ZNF536: variants seen among roughly 807,000 people sequenced by gnomAD.
ZNF536 encodes the protein zinc finger protein 536.
In ZNF536, 13 loss-of-function variants were observed where a neutral mutation model predicts 84.5. The observed-to-expected ratio is 0.15, with a 90% CI of 0.10 to 0.24. ZNF536 has a LOEUF of 0.24. Among genes scored for constraint, ZNF536 ranks in the 10% least tolerant of loss-of-function variants. The pLI is 1.00. For synonymous variants in ZNF536, 811 were observed against 742.5 expected (o/e 1.09, Z -1.50); for missense variants, 1,536 against 1,747.5 (o/e 0.88, Z 2.16).
chr19:30,385,530 C>A (rs2049305928), intron 1 of ZNF536, among the ~76,000 whole-genome samples: 1 of 150,744 alleles, frequency 6.6e-6, no homozygotes, highest in African/African-American at 2.4e-5. Context: ...GCTTCACCCA[C>A]TGGTTCCAGT....
intron 1 of ZNF536, among the ~76,000 whole-genome samples, chr19:30,576,704 G>T (rs2046749690): frequency 1.3e-5 from 2 of 152,198 alleles, no homozygotes; most frequent in African/African-American, 2.4e-5. Flanking sequence ...AGGGGACTGG[G>T]TGCTCACAGT....
At chr19:30,289,435 C>A (rs114891197) in intron 2 of ZNF536, among the ~76,000 whole-genome samples, 1 of 152,190 alleles carries the variant, frequency 6.6e-6, no homozygotes, top group Non-Finnish European at 1.5e-5. Context: ...GATCACTGAC[C>A]ACTCCAAGGA....
chr19:30,581,247 C>T lies in ZNF536; in HGVS notation c.169+31733C>T, dbSNP rs111849084. Among the ~76,000 whole-genome samples, 802 of 152,246 alleles carry T rather than the reference C, an allele frequency of 5.3e-3. 7 individuals are homozygous for T. Among genetic ancestry groups the T allele is most frequent in the African/African-American group, 0.018 (743 of 41,544 alleles). On this transcript the variant is annotated intron_variant, in intron 1 of 1. Coordinates refer to the ZNF536 transcript ENST00000592773. ...AATCCCAGCACTTTGAGAGGCAAGG[C>T]GGGAGAATCACTTGAGGTCAGGAGT... is the stretch of plus-strand genomic sequence containing the variant.
At chr19:30,365,931 TA>T (rs560384122) in intron 3 of ZNF536, among the ~76,000 whole-genome samples, 1 of 152,030 alleles carries the variant, frequency 6.6e-6, no homozygotes, top group Admixed American at 6.6e-5. Context: ...CTTCATTTTT[TA>T]AAAAAAATAG....
At chr19:30,443,469 C>A (rs1232668551) in intron 1 of ZNF536, 92 bp from the exon 2 acceptor site, 4 of 1,470,404 alleles carry the variant, frequency 2.7e-6, no homozygotes, top group Non-Finnish European at 3.6e-6. Flanking sequence ...GTAGGTAAGG[C>A]ATGAAATGGA....
chr19:30,287,180 T>G (rs2045658131), intron 2 of ZNF536, among the ~76,000 whole-genome samples: 1 of 142,372 alleles, frequency 7.0e-6, no homozygotes, highest in Middle Eastern at 3.5e-3. Flanking sequence ...CTTTGGTGAC[T>G]AGATGGATGG....
chr19:30,294,390 T>C (rs1285971554), intron 2 of ZNF536, among the ~76,000 whole-genome samples: 1 of 152,222 alleles, frequency 6.6e-6, no homozygotes, highest in African/African-American at 2.4e-5. Context: ...AAACAGTTAA[T>C]AGTACAAAAT....
chr19:30,387,934 G>C (rs942519453), intron 1 of ZNF536, among the ~76,000 whole-genome samples: 2 of 152,178 alleles, frequency 1.3e-5, no homozygotes, highest in Non-Finnish European at 2.9e-5. Context: ...CCTGGAGGGG[G>C]CTGTGTGATG....
chr19:30,365,547 A>G (rs924554554), intron 3 of ZNF536, among the ~76,000 whole-genome samples: 4 of 152,180 alleles, frequency 2.6e-5, no homozygotes, highest in African/African-American at 9.7e-5. Flanking sequence ...TGCCACTTCT[A>G]TGAATGCAGG....
intron 1 of ZNF536, among the ~76,000 whole-genome samples, chr19:30,258,263 C>G (rs182627603): frequency 6.6e-6 from 1 of 152,300 alleles, no homozygotes; most frequent in East Asian, 1.9e-4. Flanking sequence ...CTTCCAATGA[C>G]TCTGGTGACA....
intron 2 of ZNF536, among the ~76,000 whole-genome samples, chr19:30,527,681 A>G (rs1166296597): frequency 6.6e-6 from 1 of 151,994 alleles, no homozygotes; most frequent in Non-Finnish European, 1.5e-5. Flanking sequence ...GTAATGTTAT[A>G]ATTTTCATGC....
chr19:30,660,853 A>G (rs1344040398), intron 1 of ZNF536, among the ~76,000 whole-genome samples: 1 of 152,212 alleles, frequency 6.6e-6, no homozygotes, highest in East Asian at 1.9e-4. Context: ...CATTTTATAG[A>G]TAAATATATT....
intron 2 of ZNF536, among the ~76,000 whole-genome samples, chr19:30,509,554 A>G (rs997835951): frequency 6.7e-6 from 1 of 150,244 alleles, no homozygotes; most frequent in African/African-American, 2.4e-5. Flanking sequence ...ATATAATTTT[A>G]CTGTGTATAT....
At chr19:30,365,950 T>C (rs1046516668) in intron 3 of ZNF536, among the ~76,000 whole-genome samples, 1 of 152,194 alleles carries the variant, frequency 6.6e-6, no homozygotes, top group Non-Finnish European at 1.5e-5. Flanking sequence ...TAGGAGTTTC[T>C]CTATGTATCA....
intron 1 of ZNF536, among the ~76,000 whole-genome samples, chr19:30,232,880 A>C (rs1431393212): frequency 6.6e-6 from 1 of 152,224 alleles, no homozygotes; most frequent in African/African-American, 2.4e-5. Context: ...CAGCTATGAT[A>C]ATCAAAAATG....
At chr19:30,326,416 G>A (rs575163970) in intron 2 of ZNF536, among the ~76,000 whole-genome samples, 23 of 152,318 alleles carry the variant, frequency 1.5e-4, no homozygotes, top group African/African-American at 5.1e-4. Context: ...GTGTCCTGTC[G>A]AAGCCAGAGC....
At chr19:30,484,229 T>C (rs897217578) in intron 2 of ZNF536, among the ~76,000 whole-genome samples, 4 of 147,690 alleles carry the variant, frequency 2.7e-5, no homozygotes, top group African/African-American at 1.0e-4. Context: ...CATTTTGATT[T>C]TTTTTTTTTT....
At chr19:30,573,850 G>A (rs1008122274) in intron 1 of ZNF536, among the ~76,000 whole-genome samples, 24 of 152,152 alleles carry the variant, frequency 1.6e-4, no homozygotes, top group African/African-American at 4.6e-4. Context: ...CATGCTGACC[G>A]TGACCAGCAG....
intron 1 of ZNF536, among the ~76,000 whole-genome samples, chr19:30,701,486 A>G (rs1303490310): frequency 1.4e-5 from 2 of 139,390 alleles, no homozygotes; most frequent in South Asian, 2.3e-4. Context: ...GACACACACA[A>G]ACACACACAC....
Sources: allele counts gnomAD v4.1 joint callset (sites outside exome capture counted in the v4.1 genomes callset), GRCh38; gene constraint gnomAD v4.1.1; transcripts MANE v1.5; gene names NCBI Gene and HGNC (gene_info 2026-07-23, HGNC 2026-07-21).